Variants in COL19A1 observed in about 807,000 individuals in gnomAD.
The protein encoded by COL19A1 is collagen alpha-1(XIX) chain.
COL19A1 carries 159 observed loss-of-function variants against 190.2 expected under a neutral mutation model. The observed-to-expected ratio is 0.84, with a 90% CI of 0.73 to 0.95. The LOEUF (loss-of-function observed/expected upper bound fraction) is 0.95, where lower values mean the gene tolerates loss of function less well. COL19A1 is among the 40% of genes least tolerant of loss of function. The pLI, the probability that COL19A1 is intolerant of heterozygous loss-of-function variation, is 0.00. For missense variants in COL19A1, 1,418 were observed against 1,431.9 expected (o/e 0.99, Z 0.16); for synonymous variants, 509 against 458.9 (o/e 1.11, Z -1.39).
At chr6:70,046,823 T>TGAG (rs1779945419) in intron 14 of COL19A1, among the ~76,000 whole-genome samples, 2 of 152,192 alleles carry the variant, frequency 1.3e-5, no homozygotes, top group African/African-American at 4.8e-5. Flanking sequence ...GCTATAAATT[T>TGAG]GAGACTTATG....
intron 34 of COL19A1, among the ~76,000 whole-genome samples, chr6:70,158,071 G>C (rs566385947): frequency 6.6e-6 from 1 of 152,008 alleles, no homozygotes. Context: ...TCATTACATG[G>C]GGAGTTCCAG....
intron 15 of COL19A1, among the ~76,000 whole-genome samples, chr6:70,101,402 C>T (rs556278290): frequency 1.0e-3 from 152 of 152,066 alleles, no homozygotes; most frequent in African/African-American, 3.5e-3. Flanking sequence ...ATTAGATTCA[C>T]GGGTACTTAG....
intron 14 of COL19A1, among the ~76,000 whole-genome samples, chr6:70,057,688 C>A (rs1780580027): frequency 6.6e-6 from 1 of 152,038 alleles, no homozygotes; most frequent in African/African-American, 2.4e-5. Context: ...TAATGAAGGG[C>A]AAACTCCTCC....
At chr6:70,093,223 T>C (rs879701904) in intron 15 of COL19A1, among the ~76,000 whole-genome samples, 15 of 152,006 alleles carry the variant, frequency 9.9e-5, no homozygotes, top group Non-Finnish European at 2.2e-4. Context: ...AGTATGGGAG[T>C]GTGCTGCCTG....
intron 15 of COL19A1, among the ~76,000 whole-genome samples, chr6:70,077,901 T>A (rs991118554): frequency 6.6e-6 from 1 of 151,870 alleles, no homozygotes; most frequent in African/African-American, 2.4e-5. Context: ...GAGCAAGATA[T>A]CATTGGAAAA....
chr6:70,132,650 G>GGT (rs1785593855), intron 18 of COL19A1, among the ~76,000 whole-genome samples: 1 of 152,150 alleles, frequency 6.6e-6, no homozygotes. Context: ...GAATCACGTG[G>GGT]AAAGCTTTGA....
At chr6:70,071,084 T>G (rs1284482552) in intron 15 of COL19A1, among the ~76,000 whole-genome samples, 1 of 152,070 alleles carries the variant, frequency 6.6e-6, no homozygotes, top group Admixed American at 6.6e-5. Flanking sequence ...AACTTGTTGG[T>G]TTTCATCAAT....
At chr6:69,945,720 A>G (rs1773755119) in intron 9 of COL19A1, among the ~76,000 whole-genome samples, 1 of 152,056 alleles carries the variant, frequency 6.6e-6, no homozygotes, top group Admixed American at 6.6e-5. Context: ...TGTAATCTAC[A>G]GGAATTCACT....
intron 2 of COL19A1, chr6:69,890,979 C>A: frequency 4.1e-6 from 1 of 246,432 alleles, no homozygotes; most frequent in South Asian, 5.4e-5. Flanking sequence ...GAAGTCGGAG[C>A]TCCTTCAGAG....
intron 14 of COL19A1, among the ~76,000 whole-genome samples, chr6:70,044,113 T>C (rs933925157): frequency 1.3e-5 from 2 of 152,216 alleles, no homozygotes; most frequent in Non-Finnish European, 2.9e-5. Context: ...AACCAACTTC[T>C]GCTAGCTTCA....
chr6:69,935,106 T>A (rs1773013328), intron 7 of COL19A1, among the ~76,000 whole-genome samples: 1 of 152,022 alleles, frequency 6.6e-6, no homozygotes, highest in South Asian at 2.1e-4. Flanking sequence ...GTAGTTAAGT[T>A]TCATGACTCT....
intron 4 of COL19A1, among the ~76,000 whole-genome samples, chr6:69,922,732 C>T (rs536492076): frequency 5.9e-5 from 9 of 152,232 alleles, no homozygotes; most frequent in Admixed American, 3.9e-4. Flanking sequence ...CTGCCCGCCT[C>T]GGCCTCCCAA....
chr6:69,924,452 A>C (rs1358147424), intron 4 of COL19A1, among the ~76,000 whole-genome samples: 1 of 152,146 alleles, frequency 6.6e-6, no homozygotes, highest in African/African-American at 2.4e-5. Flanking sequence ...TTATGGCTGC[A>C]TAGTATTCCA....
intron 31 of COL19A1, among the ~76,000 whole-genome samples, chr6:70,154,444 A>G (rs907989237): frequency 2.0e-5 from 3 of 152,114 alleles, no homozygotes; most frequent in Non-Finnish European, 2.9e-5. Flanking sequence ...TTTATAGTAG[A>G]ATGATTTATA....
intron 4 of COL19A1, among the ~76,000 whole-genome samples, chr6:69,918,985 A>G (rs1168069435): frequency 6.6e-6 from 1 of 152,194 alleles, no homozygotes; most frequent in Non-Finnish European, 1.5e-5. Flanking sequence ...ATGTAAGTCC[A>G]GAGCACAGGA....
At position 69,901,147 on chromosome 6, in the gene COL19A1, C is replaced by T. The variant is rs550192894; in HGVS notation, c.266+809C>T. Among the ~76,000 whole-genome samples the T allele has an allele frequency of 2.4e-4, 37 of 152,248 alleles. No homozygotes were observed. The South Asian group carries it at 7.7e-3, about 32-fold the overall frequency. The stretch of plus-strand genomic sequence containing the variant: ...TACCGCAATAAAAACCCTCAAAATT[C>T]TACTTAGCTTCATATGCAACACAAA... On this transcript the variant is annotated intron_variant, in intron 4 of 50. Transcript: ENST00000620364.
chr6:70,010,603 G>A lies in COL19A1; in HGVS notation c.1027-13024G>A, dbSNP rs547460045. Reference sequence around the variant, plus strand: ...CGAGTCAAAGAAAGGGGTGACGGACGCACCTGGAAAATAGGGTCACTCCCA... The same window carrying A: ...CGAGTCAAAGAAAGGGGTGACGGACACACCTGGAAAATAGGGTCACTCCCA... On this transcript the variant is annotated intron_variant, in intron 11 of 50. Coordinates refer to ENST00000620364, the MANE Select transcript of COL19A1 (RefSeq NM_001858.6). Among the ~76,000 whole-genome samples the A allele has an allele frequency of 8.5e-5, 12 of 140,780 alleles. 1 individual carries two copies. The South Asian group carries it at 1.6e-3, about 19-fold the overall frequency. 92.4% of individuals were successfully genotyped at this position (140,780 alleles called of 152,430 possible).
At chr6:70,087,017 T>C (rs533555300) in intron 15 of COL19A1, among the ~76,000 whole-genome samples, 74 of 152,286 alleles carry the variant, frequency 4.9e-4, no homozygotes, top group Non-Finnish European at 8.2e-4. Flanking sequence ...TAAAGTTTTA[T>C]TGGAACACAT....
At chr6:70,040,145 A>C (rs1447400968) in intron 14 of COL19A1, among the ~76,000 whole-genome samples, 1 of 152,114 alleles carries the variant, frequency 6.6e-6, no homozygotes, top group African/African-American at 2.4e-5. Context: ...TTAATCACAT[A>C]GAACCAGTTC....
Sources: allele counts gnomAD v4.1 joint callset (sites outside exome capture counted in the v4.1 genomes callset), GRCh38; gene constraint gnomAD v4.1.1; transcripts MANE v1.5; gene names NCBI Gene and HGNC (gene_info 2026-07-23, HGNC 2026-07-21).